The following PHKA1 variants were observed in gnomAD, a reference collection of about 807,000 sequenced individuals.
PHKA1 encodes the protein phosphorylase b kinase regulatory subunit alpha, skeletal muscle isoform.
PHKA1 carries 60 observed loss-of-function variants against 110.2 expected under a neutral mutation model. The ratio of observed to expected loss-of-function variants is 0.54; its 90% CI spans 0.44 to 0.68. PHKA1 has a LOEUF of 0.68. Ranked by LOEUF, PHKA1 falls within the 30% of genes least tolerant of loss-of-function variation. PHKA1 has a pLI of 0.00. For missense variants in PHKA1, 801 were observed against 942.5 expected, an observed-to-expected ratio of 0.85 and a Z score of 1.97; for synonymous variants, 316 against 333.6, an observed-to-expected ratio of 0.95 and a Z score of 0.58.
chrX:72,680,013 CTT>C (rs781909627), intron 5 of PHKA1, among the ~76,000 whole-genome samples: 8 of 101,165 alleles, frequency 7.9e-5, no homozygotes. Flanking sequence ...ATAAAAGAAA[CTT>C]TTTTTTTTTT....
intron 5 of PHKA1, among the ~76,000 whole-genome samples, chrX:72,682,012 C>T (rs1556315903): frequency 1.3e-5 from 1 of 78,265 alleles, no homozygotes; most frequent in Non-Finnish European, 2.5e-5. Context: ...CCAGCCGCCC[C>T]GTCCGGGAGG....
chrX:72,684,967 A>G (rs1407245659), intron 4 of PHKA1, among the ~76,000 whole-genome samples: 2 of 111,885 alleles, frequency 1.8e-5, no homozygotes, highest in Non-Finnish European at 3.8e-5. Context: ...AATAGATAAA[A>G]TTATGATTTT....
intron 23 of PHKA1, among the ~76,000 whole-genome samples, chrX:72,606,778 C>A (rs1364070867): frequency 9.0e-6 from 1 of 111,122 alleles, no homozygotes; most frequent in Admixed American, 9.6e-5. Context: ...ACCATAGTCT[C>A]CCTATTGTGC....
rs1043707900 is a variant in PHKA1, at chrX:72,578,841, T to C, written c.*2161A>G. ...AAGTTTTGCACATTGGCACCAGACA[T>C]GATTTAATTGGAAATTCTTATTATT... On this transcript the variant is annotated 3_prime_UTR_variant, in exon 32 of 32. Transcript: ENST00000373542. The C allele has an allele frequency of 9.0e-6, 1 of 111,602 alleles. No individual in the cohort carries two copies. Among genetic ancestry groups the C allele is most frequent in the Non-Finnish European group, 1.9e-5 (1 of 53,139 alleles). The allele number at this position is 111,602 out of a possible 1,213,427, so 9.2% of individuals were successfully genotyped here. A position where few individuals can be genotyped will look rare whatever the true frequency, so the allele number is the denominator to read the frequency against.
intron 2 of PHKA1, among the ~76,000 whole-genome samples, chrX:72,709,956 C>T (rs1464405884): frequency 9.6e-6 from 1 of 104,374 alleles, no homozygotes; most frequent in South Asian, 4.7e-4. Flanking sequence ...GCAGGAGAAT[C>T]GCTTGAACCT....
At chrX:72,688,423 G>A (rs1356236316) in intron 4 of PHKA1, among the ~76,000 whole-genome samples, 1 of 112,447 alleles carries the variant, frequency 8.9e-6, no homozygotes, top group Non-Finnish European at 1.9e-5. Flanking sequence ...GTGACAATGC[G>A]ATTGAGCAGA....
At chrX:72,610,846 T>C (rs1470867454) in intron 22 of PHKA1, among the ~76,000 whole-genome samples, 182 bp downstream of exon 22, 1 of 112,008 alleles carries the variant, frequency 8.9e-6, no homozygotes. Context: ...GTTTATAACA[T>C]TTTATAAATC....
At chrX:72,622,608 G>T (rs2052996138) in intron 18 of PHKA1, 1 of 751,689 alleles carries the variant, frequency 1.3e-6, no homozygotes, top group African/African-American at 2.3e-5. Context: ...AGTTGTATTT[G>T]CCTAGTTTGT....
intron 18 of PHKA1, among the ~76,000 whole-genome samples, chrX:72,621,575 A>G (rs2052980074): frequency 8.9e-6 from 1 of 111,918 alleles, no homozygotes. Flanking sequence ...TTATAGTTAG[A>G]AAAACACACT....
intron 6 of PHKA1, among the ~76,000 whole-genome samples, chrX:72,669,347 C>A (rs2053651437): frequency 9.1e-6 from 1 of 109,548 alleles, no homozygotes; most frequent in Non-Finnish European, 1.9e-5. Context: ...AGCTGTTTTT[C>A]TTTTTTTTTG....
At chrX:72,632,567 TA>T (rs2053179060) in intron 16 of PHKA1, among the ~76,000 whole-genome samples, 1 of 111,917 alleles carries the variant, frequency 8.9e-6, no homozygotes, top group South Asian at 3.7e-4. Flanking sequence ...ATATCTATTG[TA>T]AATAGCATCC....
In PHKA1 at chrX:72,620,818, G is replaced by C. The variant is rs1359967898; in HGVS notation, c.2044C>G (p.Gln682Glu). The C allele has an allele frequency of 8.3e-7, 1 of 1,206,975 alleles. No homozygotes were observed. The highest frequency in any genetic ancestry group is 1.1e-6 in the Non-Finnish European group (1 of 893,490). ...APHPKLAPTS[Q>E]KGGLDRFQAA... ...TGGAACCGATCTAGCCCTCCCTTCT[G>C]TGAGGTAGGGGCTAGTTTAGGATGG... Residue 682 changes from glutamine to glutamate, a missense_variant, in exon 19 of 32, where the codon CAG becomes GAG. Gln to Glu is a conservative substitution (Grantham distance 29). Around this residue, in one of 2 missense-constraint regions of PHKA1, gnomAD observed 502 missense variants for 519.2 expected, o/e 0.97. Transcript: ENST00000373542.
intron 9 of PHKA1, among the ~76,000 whole-genome samples, chrX:72,656,861 A>G (rs1233896888): frequency 5.3e-5 from 6 of 112,181 alleles, no homozygotes; most frequent in Admixed American, 9.4e-5. Flanking sequence ...TTAAGAGCTT[A>G]TGATGATGTT....
At chrX:72,686,274 C>G (rs1475985210) in intron 4 of PHKA1, among the ~76,000 whole-genome samples, 2 of 112,003 alleles carry the variant, frequency 1.8e-5, no homozygotes, top group Non-Finnish European at 3.8e-5. Flanking sequence ...GAGTCTTCCT[C>G]CTACCCAGAA....
At chrX:72,588,065 C>A (rs2052460999) in intron 29 of PHKA1, among the ~76,000 whole-genome samples, 1 of 111,759 alleles carries the variant, frequency 8.9e-6, no homozygotes, top group Non-Finnish European at 1.9e-5. Flanking sequence ...TTGAACTCAG[C>A]TCTGCACCAA....
intron 8 of PHKA1, among the ~76,000 whole-genome samples, chrX:72,662,410 C>T (rs2053570996): frequency 8.9e-6 from 1 of 111,888 alleles, no homozygotes; most frequent in Non-Finnish European, 1.9e-5. Flanking sequence ...CAGGAATGGC[C>T]ATGACTCTGG....
intron 28 of PHKA1, among the ~76,000 whole-genome samples, chrX:72,599,357 C>T (rs5958806): frequency 0.26 from 29,150 of 110,742 alleles, 6,774 homozygotes; most frequent in African/African-American, 0.72. Context: ...GTAAGCTTCA[C>T]GAGGGCAAAG....
At chrX:72,628,283 C>T (rs1556284297) in intron 16 of PHKA1, among the ~76,000 whole-genome samples, 1 of 110,370 alleles carries the variant, frequency 9.1e-6, no homozygotes, top group African/African-American at 3.3e-5. Flanking sequence ...TATGAATTGC[C>T]TGATCATGTC....
At chrX:72,708,904 T>G (rs2054327634) in intron 2 of PHKA1, among the ~76,000 whole-genome samples, 1 of 111,871 alleles carries the variant, frequency 8.9e-6, no homozygotes, top group Non-Finnish European at 1.9e-5. Context: ...CCACAGAACA[T>G]ACTATGGGAA....
Sources: allele counts gnomAD v4.1 joint callset (sites outside exome capture counted in the v4.1 genomes callset), GRCh38; gene constraint gnomAD v4.1.1; regional missense constraint gnomAD v4.1.1; transcripts MANE v1.5; gene names NCBI Gene and HGNC (gene_info 2026-07-23, HGNC 2026-07-21).